The following WDR5 variants were observed in gnomAD, a reference collection of about 807,000 sequenced individuals.
WDR5 encodes WD repeat domain 5.
For missense variants in WDR5, 187 were observed against 416.9 expected, an observed-to-expected ratio of 0.45 and a Z score of 4.80; for synonymous variants, 144 against 161.6, an observed-to-expected ratio of 0.89 and a Z score of 0.83.
chr9:134,143,168 T>C (rs1831984266), intron 7 of WDR5, among the ~76,000 whole-genome samples: 1 of 152,198 alleles, frequency 6.6e-6, no homozygotes, highest in Non-Finnish European at 1.5e-5. Context: ...GTGGGAAGTG[T>C]TGGAGGCTGG....
chr9:134,154,936 C>T (rs1366111613), intron 10 of WDR5, among the ~76,000 whole-genome samples: 1 of 152,222 alleles, frequency 6.6e-6, no homozygotes, highest in Admixed American at 6.5e-5. Flanking sequence ...CTCCAGCTTT[C>T]CCATGCGTGC....
Position 134,158,004 on chromosome 9 carries a change from T to C in WDR5, c.*11T>C. 1 of 1,612,748 alleles carries C rather than the reference T, an allele frequency of 6.2e-7. No individual in the cohort carries two copies. Among genetic ancestry groups the C allele is most frequent in the South Asian group, 1.1e-5 (1 of 91,040 alleles). On this transcript the variant is annotated 3_prime_UTR_variant, in exon 14 of 14. Transcript: ENST00000358625. ...AAGAGTGACTGCTAAGTCCCTTTGC[T>C]CCTGCCCGCGAGAGACTGTCGGGAA...
chr9:134,142,246 T>C (rs1831933279), intron 5 of WDR5, 87 bp from the exon 6 acceptor site: 3 of 1,436,608 alleles, frequency 2.1e-6, no homozygotes, highest in Non-Finnish European at 2.9e-6. Flanking sequence ...AGGCATGCTT[T>C]GGGATGTCAG....
chr9:134,139,071 T>G (rs1831735292), intron 1 of WDR5, among the ~76,000 whole-genome samples: 1 of 152,232 alleles, frequency 6.6e-6, no homozygotes, highest in South Asian at 2.1e-4. Flanking sequence ...ACTGCAGTCT[T>G]TTTTCGTTCC....
In WDR5 at chr9:134,140,719, C is replaced by G; in HGVS notation, c.98C>G (p.Pro33Arg). 6.2e-7 allele frequency: 1 copy of G among 1,614,170 alleles called. No homozygotes were observed. Among genetic ancestry groups the G allele is most frequent in the South Asian group, 1.1e-5 (1 of 91,082 alleles). ...TTCCTGCAGCCTACACCTGTGAAGC[C>G]AAACTATGCTCTAAAGTTCACCCTT... ...ATQSKPTPVKPNYALKFTLAG... is the reference protein window; with the variant it reads ...ATQSKPTPVKRNYALKFTLAG... The change falls in exon 3 of 14, where the codon CCA becomes CGA. Residue 33 changes from proline to arginine, a missense_variant. Coordinates refer to ENST00000358625, the MANE Select transcript of WDR5 (RefSeq NM_017588.3).
At position 134,157,421 on chromosome 9, in the gene WDR5, G is replaced by A. The variant is rs539273424; in HGVS notation, c.905-472G>A. On this transcript the variant is annotated intron_variant, in intron 13 of 13. Transcript: ENST00000358625. The surrounding 1 kb of genome is among the most constrained non-coding windows in gnomAD (Gnocchi z 5.0). ...GCTGTGACAGAGCCAGCCCTGTGGG[G>A]TGCTCTGGGGCTTAGCATTGGGGGG... 6.6e-6 allele frequency among the ~76,000 whole-genome samples: 1 copy of A among 152,310 alleles called. No individual in the cohort carries two copies. The highest frequency in any genetic ancestry group is 1.5e-5 in the Non-Finnish European group (1 of 68,030).
chr9:134,143,879 T>A (rs2132540418), intron 7 of WDR5, among the ~76,000 whole-genome samples: 1 of 150,860 alleles, frequency 6.6e-6, no homozygotes, highest in Non-Finnish European at 1.5e-5. Flanking sequence ...AACTACACAG[T>A]ATCATAAACC....
At chr9:134,139,674 A>C (rs1831772888) in intron 1 of WDR5, 146 bp from the exon 2 acceptor site, 2 of 595,890 alleles carry the variant, frequency 3.4e-6, no homozygotes, top group African/African-American at 1.9e-5. Flanking sequence ...TAGGGGAATT[A>C]ATAGGGTCCT....
rs1017846779 is a variant in WDR5, at chr9:134,152,168, G to T, written c.631+139G>T. On this transcript the variant is annotated intron_variant, in intron 9 of 13. Coordinates refer to ENST00000358625, the MANE Select transcript of WDR5 (RefSeq NM_017588.3). ...GCAGGAGGAACCTTCCTCCGTGTCC[G>T]ACCGTTCCGCCAGCTCCCCCTGACC... The T allele has an allele frequency of 4.9e-6, 5 of 1,024,498 alleles. No homozygotes were observed. In the African/African-American group the frequency reaches 6.5e-5, roughly 13 times the overall value. The allele number at this position is 1,024,498 out of a possible 1,614,324, so 63.5% of individuals were successfully genotyped here.
At position 134,143,613 on chromosome 9, in the gene WDR5, G is replaced by A. The variant is rs1052656185; in HGVS notation, c.528+894G>A. Reference sequence around the variant, plus strand: ...GCGATCTCGGCTCACTGCAAGCTCCGCCTCCCGGGTTCATGCCATTCTCCT... The same window carrying A: ...GCGATCTCGGCTCACTGCAAGCTCCACCTCCCGGGTTCATGCCATTCTCCT... On this transcript the variant is annotated intron_variant, in intron 7 of 13. Coordinates refer to ENST00000358625, the MANE Select transcript of WDR5 (RefSeq NM_017588.3). 2.9e-4 allele frequency among the ~76,000 whole-genome samples: 44 copies of A among 150,696 alleles called. 1 individual carries two copies. The highest frequency in any genetic ancestry group is 3.0e-5 in the Non-Finnish European group (2 of 67,702).
chr9:134,154,644 C>T lies in WDR5; in HGVS notation c.707+103C>T, dbSNP rs1434877357. ...TGGAGAGCGTGTTGTGGGCTTGGCA[C>T]GGGATCCAGGCTCCTGGTGGAGCTT... On this transcript the variant is annotated intron_variant, in intron 10 of 13. Coordinates refer to ENST00000358625, the MANE Select transcript of WDR5 (RefSeq NM_017588.3). The T allele has an allele frequency of 5.5e-5, 74 of 1,338,034 alleles. No individual in the cohort carries two copies. The Admixed American group carries it at 8.6e-4, about 15-fold the overall frequency. The allele number at this position is 1,338,034 out of a possible 1,614,324, so 82.9% of individuals were successfully genotyped here.
chr9:134,140,680 T>G (rs1831838762), intron 2 of WDR5, 23 bp from the exon 3 acceptor site: 1 of 1,607,598 alleles, frequency 6.2e-7, no homozygotes, highest in Admixed American at 1.7e-5. Flanking sequence ...TGGTGACTTT[T>G]TGCTAACTGG....
rs1397147196 is a variant in WDR5, at chr9:134,151,983, T to C, written c.585T>C (p.Cys195=). 6.2e-7 allele frequency: 1 copy of C among 1,613,822 alleles called. No homozygotes were observed. The highest frequency in any genetic ancestry group is 1.7e-5 in the Admixed American group (1 of 59,936). Residue 195 remains cysteine (C), a splice_region_variant and synonymous_variant, in exon 9 of 14, where the codon TGT becomes TGC. Coordinates refer to ENST00000358625, the MANE Select transcript of WDR5 (RefSeq NM_017588.3). Reference sequence around the variant, plus strand: ...CTTTTTTGTTCTCTTTGCTTCGAAGTCGCATCTGGGACACCGCCTCAGGCC... The same window carrying C: ...CTTTTTTGTTCTCTTTGCTTCGAAGCCGCATCTGGGACACCGCCTCAGGCC... ...LIVSSSYDGL[C]RIWDTASGQC...
chr9:134,158,125 T>A lies in WDR5; in HGVS notation c.*132T>A. The stretch of plus-strand genomic sequence containing the variant: ...CAGGGCCTGATTTGAGCCTCCTCTC[T>A]GAAGATGATTTGGCCGAGCGGAAGG... On this transcript the variant is annotated 3_prime_UTR_variant, in exon 14 of 14. Transcript: ENST00000358625. 2.6e-6 allele frequency: 2 copies of A among 766,048 alleles called. No homozygotes were observed. Among genetic ancestry groups the A allele is most frequent in the Non-Finnish European group, 2.1e-6 (1 of 465,598 alleles). 47.5% of individuals were successfully genotyped at this position (766,048 alleles called of 1,614,324 possible). A position where few individuals can be genotyped will look rare whatever the true frequency, so the allele number is the denominator to read the frequency against.
At position 134,153,149 on chromosome 9, in the gene WDR5, G is replaced by A. The variant is rs539482069; in HGVS notation, c.631+1120G>A. Among the ~76,000 whole-genome samples the A allele has an allele frequency of 1.5e-3, 223 of 152,282 alleles. 1 individual carries two copies. In the Middle Eastern group the frequency reaches 0.024, roughly 16 times the overall value. On this transcript the variant is annotated intron_variant, in intron 9 of 13. Transcript: ENST00000358625. Reference sequence around the variant, plus strand: ...ACACCGCACTTGGTGTCCCCTGGACGGGCCACCTGTGCTCAGTTGTGTGCG... The same window carrying A: ...ACACCGCACTTGGTGTCCCCTGGACAGGCCACCTGTGCTCAGTTGTGTGCG...
At chr9:134,148,215 A>ATT in intron 7 of WDR5, 73 bp from the exon 8 acceptor site, 1 of 360,318 alleles carries the variant, frequency 2.8e-6, no homozygotes, top group Non-Finnish European at 5.0e-6. Context: ...TTTTTTTGAG[A>ATT]TCAGGTAAGA....
intron 7 of WDR5, 97 bp from the exon 8 acceptor site, chr9:134,148,186 CTTTTT>C (rs34443303): frequency 0.011 from 3,083 of 284,626 alleles, 43 homozygotes; most frequent in African/African-American, 0.064. Flanking sequence ...ATAACTCAGT[CTTTTT>C]TTTTTTTTTT....
At chr9:134,150,220 C>T (rs1429204576) in intron 8 of WDR5, among the ~76,000 whole-genome samples, 3 of 152,140 alleles carry the variant, frequency 2.0e-5, no homozygotes, top group Non-Finnish European at 4.4e-5. Context: ...GCCTACCGTG[C>T]ACAGAAAGGA....
chr9:134,140,445 C>G (rs886876210), intron 2 of WDR5, among the ~76,000 whole-genome samples: 1 of 152,126 alleles, frequency 6.6e-6, no homozygotes, highest in Non-Finnish European at 1.5e-5. Context: ...CCTCACGTTT[C>G]TGGCTCGGCT....
Sources: gnomAD v4.1 joint callset for allele counts (sites outside exome capture counted in the v4.1 genomes callset) on GRCh38, gnomAD v4.1.1 for gene constraint, Gnocchi (gnomAD v3.1) non-coding constraint, MANE v1.5 for transcripts, NCBI Gene and HGNC (gene_info 2026-07-23, HGNC 2026-07-21) for gene names.